Variants in ILRUN observed in about 807,000 individuals in gnomAD.
ILRUN encodes the protein inflammation and lipid regulator with UBA-like and NBR1-like domains, also known as protein ILRUN.
ILRUN carries 3 observed loss-of-function variants against 33.8 expected under a neutral mutation model. The ratio of observed to expected loss-of-function variants is 0.09; its 90% CI spans 0.04 to 0.23. ILRUN has a LOEUF of 0.23. Among genes scored for constraint, ILRUN ranks in the 10% least tolerant of loss-of-function variants. ILRUN has a pLI of 1.00. For missense variants in ILRUN, 210 were observed against 375.1 expected (o/e 0.56, Z 3.64); for synonymous variants, 124 against 138.9 (o/e 0.89, Z 0.75).
intron 1 of ILRUN, among the ~76,000 whole-genome samples, chr6:34,682,262 T>TTG (rs1562032010): frequency 7.5e-6 from 1 of 133,058 alleles, no homozygotes; most frequent in Non-Finnish European, 1.6e-5. Flanking sequence ...TTTTTTTTTT[T>TTG]TTTTTTTTTT....
intron 3 of ILRUN, among the ~76,000 whole-genome samples, chr6:34,612,611 A>G (rs1357812150): frequency 1.3e-5 from 2 of 152,156 alleles, no homozygotes; most frequent in East Asian, 3.9e-4. Context: ...ATCTTGGACG[A>G]TAAGTATAAA....
chr6:34,639,290 C>T (rs1762424218), intron 3 of ILRUN, among the ~76,000 whole-genome samples: 1 of 152,144 alleles, frequency 6.6e-6, no homozygotes, highest in Non-Finnish European at 1.5e-5. Context: ...AGGTATTTAA[C>T]AAGAACTACT....
intron 1 of ILRUN, among the ~76,000 whole-genome samples, chr6:34,670,844 C>CAAAAAAA: frequency 1.7e-5 from 1 of 58,548 alleles, no homozygotes; most frequent in Non-Finnish European, 3.6e-5. Context: ...GACCCTGTCT[C>CAAAAAAA]AAAAAAAAAA....
In ILRUN at chr6:34,646,392, A is replaced by T. The variant is rs567292395; in HGVS notation, c.511+209T>A. Among the ~76,000 whole-genome samples the T allele has an allele frequency of 6.6e-6, 1 of 152,244 alleles. No homozygotes were observed. The highest frequency in any genetic ancestry group is 2.4e-5 in the African/African-American group (1 of 41,470). On this transcript the variant is annotated intron_variant, in intron 3 of 4. Coordinates refer to ENST00000374023, the MANE Select transcript of ILRUN (RefSeq NM_024294.4). This position sits in a 1 kb window ranked among gnomAD's most constrained non-coding sequence, Gnocchi z 4.9. Reference sequence around the variant, plus strand: ...GAACACAAAATATAATACCTCGTACAGGTCACTAAATTATATTCCTAGGAT... The same window carrying T: ...GAACACAAAATATAATACCTCGTACTGGTCACTAAATTATATTCCTAGGAT...
At chr6:34,667,354 A>T (rs943006012) in intron 1 of ILRUN, among the ~76,000 whole-genome samples, 1 of 152,246 alleles carries the variant, frequency 6.6e-6, no homozygotes, top group African/African-American at 2.4e-5. Flanking sequence ...TTTATTCACC[A>T]TGAATTCCTT....
At chr6:34,656,885 A>G (rs760342007) in intron 1 of ILRUN, among the ~76,000 whole-genome samples, 24 of 152,202 alleles carry the variant, frequency 1.6e-4, no homozygotes, top group Non-Finnish European at 3.1e-4. Context: ...TATTTACATA[A>G]AGAGAGCTGG....
intron 3 of ILRUN, among the ~76,000 whole-genome samples, chr6:34,622,607 A>C (rs1295407105): frequency 6.6e-6 from 1 of 152,094 alleles, no homozygotes; most frequent in Admixed American, 6.6e-5. Context: ...GAAAATGCCA[A>C]ATGTTGGTGA....
chr6:34,645,403 C>T (rs1177019707), intron 3 of ILRUN, among the ~76,000 whole-genome samples: 2 of 152,210 alleles, frequency 1.3e-5, no homozygotes, highest in East Asian at 1.9e-4. Context: ...GAGACAGGCG[C>T]TCACTCTGTA....
At chr6:34,619,098 G>A (rs1194383522) in intron 3 of ILRUN, among the ~76,000 whole-genome samples, 1 of 152,132 alleles carries the variant, frequency 6.6e-6, no homozygotes, top group Non-Finnish European at 1.5e-5. Context: ...GGGATAGACA[G>A]CTACATAGAA....
chr6:34,692,093 A>T (rs1763660834), intron 1 of ILRUN, among the ~76,000 whole-genome samples: 2 of 152,048 alleles, frequency 1.3e-5, no homozygotes, highest in African/African-American at 4.8e-5. Context: ...CCTCCCACTT[A>T]GCTGGGACTA....
chr6:34,671,340 C>T (rs983286404), intron 1 of ILRUN, among the ~76,000 whole-genome samples: 33 of 152,148 alleles, frequency 2.2e-4, no homozygotes, highest in African/African-American at 7.7e-4. Flanking sequence ...GAGCCATGAT[C>T]GCGCCGCTGC....
Position 34,606,585 on chromosome 6 carries a change from T to A in ILRUN, c.831A>T (p.Ala277=), listed in dbSNP as rs1188129162. 6.2e-7 allele frequency: 1 copy of A among 1,614,088 alleles called. No individual in the cohort carries two copies. The highest frequency in any genetic ancestry group is 8.5e-7 in the Non-Finnish European group (1 of 1,179,992). ...NSVNLSPSSH[A]NNLSVVTYSK... ...TGTAAGTCACTACTGATAAGTTGTT[T>A]GCGTGACTGCTGGGAGACAGATTTA... Residue 277 remains alanine, a synonymous_variant, in exon 4 of 5, where the codon GCA becomes GCT. Transcript: ENST00000374023.
chr6:34,690,442 C>T (rs958886570), intron 1 of ILRUN, among the ~76,000 whole-genome samples: 4 of 151,572 alleles, frequency 2.6e-5, no homozygotes, highest in African/African-American at 9.7e-5. Context: ...GCCTGGGCGA[C>T]AGAGTGAAAC....
At chr6:34,678,836 CAAAAAAAAAAAAAAAA>C (rs767799882) in intron 1 of ILRUN, among the ~76,000 whole-genome samples, 4 of 47,884 alleles carry the variant, frequency 8.4e-5, no homozygotes, top group African/African-American at 3.4e-4. Flanking sequence ...GACTCCGTCT[CAAAAAAAAAAAAAAAA>C]AAAAAAAGAA....
intron 3 of ILRUN, among the ~76,000 whole-genome samples, chr6:34,624,490 ATTTTGTTT>A (rs971207187): frequency 7.9e-5 from 12 of 151,550 alleles, no homozygotes; most frequent in Middle Eastern, 6.4e-3. Context: ...CACCTGGCTA[ATTTTGTTT>A]TTTTGTTTTT....
At chr6:34,633,908 GGAGGGAGGGAGGGAAT>G in intron 3 of ILRUN, among the ~76,000 whole-genome samples, 1 of 116,422 alleles carries the variant, frequency 8.6e-6, no homozygotes, top group South Asian at 4.0e-4. Context: ...AGGGAGGGAG[GGAGGGAGGGAGGGAAT>G]GAAATCATAC....
intron 1 of ILRUN, among the ~76,000 whole-genome samples, chr6:34,686,087 A>C (rs1459382715): frequency 6.6e-6 from 1 of 152,228 alleles, no homozygotes; most frequent in Non-Finnish European, 1.5e-5. Context: ...GGACCTCAGC[A>C]CATTAGAAAC....
chr6:34,608,413 C>T (rs1286474522), intron 3 of ILRUN, among the ~76,000 whole-genome samples: 1 of 151,842 alleles, frequency 6.6e-6, no homozygotes, highest in Non-Finnish European at 1.5e-5. Flanking sequence ...AAAAAAATAG[C>T]TAAACATAGA....
In ILRUN at chr6:34,619,484, T is replaced by C. The variant is rs138350331; in HGVS notation, c.512-12580A>G. 5.9e-5 allele frequency among the ~76,000 whole-genome samples: 9 copies of C among 151,992 alleles called. No homozygotes were observed. In the East Asian group the frequency reaches 1.6e-3, roughly 26 times the overall value. ...GATCCTCCCCCCTCAACCTCTTGAGTAGCTGGGACTACACGCAGGCACTTG... is the reference window on the plus strand; with the variant it reads ...GATCCTCCCCCCTCAACCTCTTGAGCAGCTGGGACTACACGCAGGCACTTG... On this transcript the variant is annotated intron_variant, in intron 3 of 4. Coordinates refer to ENST00000374023, the MANE Select transcript of ILRUN (RefSeq NM_024294.4).
Sources: allele counts gnomAD v4.1 joint callset (sites outside exome capture counted in the v4.1 genomes callset), GRCh38; gene constraint gnomAD v4.1.1; non-coding constraint Gnocchi (gnomAD v3.1); transcripts MANE v1.5; gene names NCBI Gene and HGNC (gene_info 2026-07-23, HGNC 2026-07-21).